Variants in KLF8 observed in about 807,000 individuals in gnomAD.
The protein encoded by KLF8 is KLF transcription factor 8.
KLF8 carries 10 observed loss-of-function variants against 18.2 expected under a neutral mutation model. The observed-to-expected ratio is 0.55, with a 90% CI of 0.34 to 0.93. The LOEUF (loss-of-function observed/expected upper bound fraction) is 0.93, where lower values mean the gene tolerates loss of function less well. KLF8 is among the 40% of genes least tolerant of loss of function. The probability of loss-of-function intolerance (pLI) is 0.02; values close to 1 mark genes in which losing one functional copy is unlikely to be tolerated. For synonymous variants in KLF8, 109 were observed against 97.3 expected, an observed-to-expected ratio of 1.12 and a Z score of -0.71; for missense variants, 264 against 277.9, an observed-to-expected ratio of 0.95 and a Z score of 0.36.
the KLF8 span, among the ~76,000 whole-genome samples, chrX:56,207,019 G>T: frequency 8.9e-6 from 1 of 112,848 alleles, no homozygotes; most frequent in Non-Finnish European, 1.9e-5. Flanking sequence ...ACCCTCTGAG[G>T]CAACATCCTG....
chrX:56,059,542 G>T, the KLF8 span, among the ~76,000 whole-genome samples: 1 of 111,946 alleles, frequency 8.9e-6, no homozygotes, highest in Non-Finnish European at 1.9e-5. Context: ...AAGGTGTAAG[G>T]AAGGGGTCCA....
chrX:56,101,714 T>G, the KLF8 span, among the ~76,000 whole-genome samples: 1 of 112,308 alleles, frequency 8.9e-6, no homozygotes, highest in Admixed American at 9.5e-5. Context: ...TGGAGAACAT[T>G]TTTTCTTATG....
the KLF8 span, among the ~76,000 whole-genome samples, chrX:55,975,591 A>G: frequency 9.0e-6 from 1 of 111,267 alleles, no homozygotes; most frequent in Non-Finnish European, 1.9e-5. Context: ...ATTTTATATA[A>G]TTCTCATGTT....
chrX:56,209,446 T>G, the KLF8 span, among the ~76,000 whole-genome samples: 1 of 110,971 alleles, frequency 9.0e-6, no homozygotes, highest in Admixed American at 9.6e-5. Flanking sequence ...TTTAGTCCAT[T>G]TACATTCAAT....
the KLF8 span, among the ~76,000 whole-genome samples, chrX:56,170,412 T>C: frequency 9.1e-6 from 1 of 110,446 alleles, no homozygotes; most frequent in African/African-American, 3.3e-5. Context: ...AAATAGTTAC[T>C]TTGACAAAAC....
intron 5 of KLF8, among the ~76,000 whole-genome samples, chrX:56,270,876 A>G (rs1378641779): frequency 8.9e-6 from 1 of 111,735 alleles, no homozygotes; most frequent in Non-Finnish European, 1.9e-5. Flanking sequence ...CGAACAGCAC[A>G]TACCTGATCT....
At chrX:56,112,342 G>A in the KLF8 span, among the ~76,000 whole-genome samples, 2 of 111,047 alleles carry the variant, frequency 1.8e-5, no homozygotes, top group South Asian at 3.9e-4. Flanking sequence ...TGGAGTGGGG[G>A]GCTGGGGGAG....
the KLF8 span, among the ~76,000 whole-genome samples, chrX:56,216,092 A>G: frequency 9.3e-6 from 1 of 108,068 alleles, no homozygotes; most frequent in Non-Finnish European, 1.9e-5. Context: ...TCAGTATTCA[A>G]TCTGTTCCCT....
the KLF8 span, among the ~76,000 whole-genome samples, chrX:55,950,942 C>A: frequency 0.011 from 1,264 of 111,421 alleles, 8 homozygotes; most frequent in Non-Finnish European, 0.018. Context: ...CCAATAAGTA[C>A]CATCAGTTGG....
the KLF8 span, among the ~76,000 whole-genome samples, chrX:56,051,807 C>T: frequency 8.5e-4 from 91 of 107,141 alleles, no homozygotes; most frequent in Middle Eastern, 9.3e-3. Flanking sequence ...TGAATCTGAA[C>T]GTTGGCCTGC....
the KLF8 span, among the ~76,000 whole-genome samples, chrX:56,092,778 G>T: frequency 9.1e-6 from 1 of 109,371 alleles, no homozygotes; most frequent in Middle Eastern, 4.6e-3. Context: ...TATTCAAAGG[G>T]CTCTAATGGA....
chrX:56,029,061 C>T, the KLF8 span, among the ~76,000 whole-genome samples: 8 of 111,001 alleles, frequency 7.2e-5, no homozygotes, highest in Non-Finnish European at 1.5e-4. Flanking sequence ...CCCTGGGAAC[C>T]GGATACTGCT....
chrX:56,200,349 A>G, the KLF8 span, among the ~76,000 whole-genome samples: 1 of 110,184 alleles, frequency 9.1e-6, no homozygotes. Flanking sequence ...AAAAAATTAA[A>G]TATAAAACAT....
At chrX:55,961,151 G>C in the KLF8 span, 1 of 191,282 alleles carries the variant, frequency 5.2e-6, no homozygotes. Flanking sequence ...TTCTAAATAT[G>C]GCCCACTCTC....
chrX:56,147,409 A>G, the KLF8 span, among the ~76,000 whole-genome samples: 8 of 112,191 alleles, frequency 7.1e-5, no homozygotes, highest in African/African-American at 2.6e-4. Flanking sequence ...TTGAAGTCTT[A>G]TATATTTTAG....
At chrX:56,033,279 C>T in the KLF8 span, among the ~76,000 whole-genome samples, 1 of 111,366 alleles carries the variant, frequency 9.0e-6, no homozygotes, top group African/African-American at 3.3e-5. Flanking sequence ...CAGTATTTTT[C>T]TTTATGTGGC....
the KLF8 span, among the ~76,000 whole-genome samples, chrX:56,129,098 A>G: frequency 8.0e-5 from 9 of 112,213 alleles, no homozygotes; most frequent in Non-Finnish European, 1.5e-4. Flanking sequence ...CACCATCTAG[A>G]TCTAATCAGT....
chrX:55,937,375 T>C, the KLF8 span, among the ~76,000 whole-genome samples: 2 of 111,544 alleles, frequency 1.8e-5, no homozygotes, highest in Non-Finnish European at 3.8e-5. Context: ...CCCATCTGTA[T>C]GTCACCATCA....
chrX:56,270,448 C>T, intron 5 of KLF8, 127 bp downstream of exon 5: 8 of 805,229 alleles, frequency 9.9e-6, no homozygotes, highest in Non-Finnish European at 1.3e-5. Flanking sequence ...GAGAAAATTT[C>T]TGAGAGACAG....
Sources: allele counts gnomAD v4.1 joint callset (sites outside exome capture counted in the v4.1 genomes callset), GRCh38; gene constraint gnomAD v4.1.1; transcripts MANE v1.5; gene names NCBI Gene and HGNC (gene_info 2026-07-23, HGNC 2026-07-21).